MCCC2: variants seen among roughly 807,000 people sequenced by gnomAD.
The protein encoded by MCCC2 is methylcrotonyl-CoA carboxylase subunit 2, also known as methylcrotonoyl-CoA carboxylase beta chain, mitochondrial.
MCCC2 carries 52 observed loss-of-function variants against 77.2 expected under a neutral mutation model. The ratio of observed to expected loss-of-function variants is 0.67; its 90% CI spans 0.54 to 0.85. The LOEUF (loss-of-function observed/expected upper bound fraction) is 0.85. MCCC2 is among the 40% of genes least tolerant of loss of function. MCCC2 has a pLI of 0.00. For synonymous variants in MCCC2, 253 were observed against 248.4 expected (o/e 1.02, Z -0.18); for missense variants, 682 against 703.2 (o/e 0.97, Z 0.34).
intron 6 of MCCC2, among the ~76,000 whole-genome samples, chr5:71,618,007 C>G (rs1293278223): frequency 6.6e-6 from 1 of 152,110 alleles, no homozygotes; most frequent in East Asian, 1.9e-4. Flanking sequence ...TTTTAAGACC[C>G]CTTAATCGTT....
In MCCC2 at chr5:71,603,371, G is replaced by A. The variant is rs1378694055; in HGVS notation, c.511+738G>A. 5.0e-5 allele frequency among the ~76,000 whole-genome samples: 7 copies of A among 139,114 alleles called. No individual in the cohort carries two copies. In the East Asian group the frequency reaches 1.1e-3, roughly 21 times the overall value. The allele number at this position is 139,114 out of a possible 152,430, so 91.3% of individuals were successfully genotyped here. ...GCGGAGCTTGCAGTGAGCTGAAATC[G>A]TGCCACTGTACTCCAGCCTGGGCGA... On this transcript the variant is annotated intron_variant, in intron 5 of 16. Transcript: ENST00000340941.
At chr5:71,641,934 T>C (rs937471271) in intron 11 of MCCC2, among the ~76,000 whole-genome samples, 1 of 152,218 alleles carries the variant, frequency 6.6e-6, no homozygotes, top group African/African-American at 2.4e-5. Flanking sequence ...CTTAGGTGTT[T>C]AAGTGATTAA....
chr5:71,591,595 C>T (rs932296141), intron 1 of MCCC2, among the ~76,000 whole-genome samples: 4 of 151,984 alleles, frequency 2.6e-5, no homozygotes, highest in Non-Finnish European at 4.4e-5. Context: ...CACCACCTTG[C>T]CTGGCTAATT....
intron 11 of MCCC2, 30 bp from the exon 12 acceptor site, chr5:71,643,789 A>T: frequency 6.2e-7 from 1 of 1,614,092 alleles, no homozygotes; most frequent in East Asian, 2.2e-5. Context: ...AAAGCACAAG[A>T]CATAAATCTT....
rs767276076 is a variant in MCCC2, at chr5:71,649,075, CTCTT to C, written c.1217-18_1217-15del. The C allele has an allele frequency of 5.6e-6, 9 of 1,613,974 alleles. No individual in the cohort carries two copies. Among genetic ancestry groups the C allele is most frequent in the Non-Finnish European group, 7.6e-6 (9 of 1,179,896 alleles). On this transcript the variant is annotated intron_variant, in intron 13 of 16. Transcript: ENST00000340941. The stretch of plus-strand genomic sequence containing the variant: ...ATATTAATCCCATCACCCAGAGGCT[CTCTT>C]TCTGATCTTTCTCTCAGGATTTATG...
At chr5:71,609,338 C>G (rs904104705) in intron 6 of MCCC2, among the ~76,000 whole-genome samples, 51 of 152,084 alleles carry the variant, frequency 3.4e-4, no homozygotes, top group South Asian at 1.0e-3. Context: ...TTGCTGATAC[C>G]CTTTCTTACA....
chr5:71,633,743 G>A (rs115887280), intron 8 of MCCC2, among the ~76,000 whole-genome samples: 2,713 of 152,122 alleles, frequency 0.018, 80 homozygotes, highest in African/African-American at 0.061. Context: ...TCATAAAAAA[G>A]CATTTTATTT....
chr5:71,604,501 C>T (rs754454540), intron 6 of MCCC2, 33 bp downstream of exon 6: 8 of 1,483,684 alleles, frequency 5.4e-6, no homozygotes, highest in Non-Finnish European at 7.5e-6. Context: ...TACAGTGGTG[C>T]TTTTTACTCT....
Position 71,592,986 on chromosome 5 carries a change from A to T in MCCC2, c.190A>T (p.Lys64Ter), listed in dbSNP as rs796051989. 1 of 1,611,730 alleles carries T rather than the reference A, an allele frequency of 6.2e-7. No homozygotes were observed. The highest frequency in any genetic ancestry group is 1.7e-5 in the Admixed American group (1 of 59,998). The change falls in exon 2 of 17, where the codon AAA (lysine) becomes TAA (stop). Residue 64 changes from lysine (K) to a stop codon, truncating the protein, a stop_gained. Transcript: ENST00000340941. LOFTEE classifies it high-confidence loss of function. Reference protein sequence around the residue: ...NQLHERVEHIKLGGGEKARAL... With the variant: ...NQLHERVEHI ...GCTCCATGAACGAGTGGAGCATATA[A>T]AACTAGGTAAACACAGCATTTATTC...
intron 3 of MCCC2, among the ~76,000 whole-genome samples, chr5:71,596,723 T>C (rs906988926): frequency 6.6e-6 from 1 of 151,996 alleles, no homozygotes; most frequent in Non-Finnish European, 1.5e-5. Flanking sequence ...GGGCGGATCA[T>C]GAAGTCAGGA....
Position 71,641,133 on chromosome 5 carries a change from T to G in MCCC2, c.1072+58T>G, listed in dbSNP as rs16869026. On this transcript the variant is annotated intron_variant, in intron 11 of 16. Coordinates refer to ENST00000340941, the MANE Select transcript of MCCC2 (RefSeq NM_022132.5). The stretch of plus-strand genomic sequence containing the variant: ...TTTCTGCTGCTTTGAAAATCAGGAA[T>G]CTCTTGTTTCAAGACTTTGATACAC... 3.7e-3 allele frequency: 5,555 copies of G among 1,494,436 alleles called. 186 individuals carry two copies. In the African/African-American group the frequency reaches 0.068, roughly 18 times the overall value. The allele number at this position is 1,494,436 out of a possible 1,614,324, so 92.6% of individuals were successfully genotyped here. A position where few individuals can be genotyped will look rare whatever the true frequency, so the allele number is the denominator to read the frequency against.
intron 6 of MCCC2, among the ~76,000 whole-genome samples, chr5:71,621,619 G>A (rs942275228): frequency 6.6e-6 from 1 of 152,142 alleles, no homozygotes; most frequent in African/African-American, 2.4e-5. Context: ...ATGACATTGA[G>A]TGACAGTGAC....
intron 8 of MCCC2, among the ~76,000 whole-genome samples, chr5:71,633,091 T>TTTTATATA (rs1172020093): frequency 1.3e-4 from 11 of 84,246 alleles, no homozygotes; most frequent in African/African-American, 5.6e-4. Flanking sequence ...TTTTTCAGTT[T>TTTTATATA]TATATATATA....
At chr5:71,633,131 A>ATATATATTTTTTTTTTTT in intron 8 of MCCC2, among the ~76,000 whole-genome samples, 1 of 78,084 alleles carries the variant, frequency 1.3e-5, no homozygotes, top group East Asian at 4.9e-4. Flanking sequence ...ATATATATAT[A>ATATATATTTTTTTTTTTT]TTTTTATTTT....
At chr5:71,635,482 G>A (rs142299306) in intron 10 of MCCC2, 169 of 565,760 alleles carry the variant, frequency 3.0e-4, no homozygotes, top group African/African-American at 2.8e-3. Flanking sequence ...TTTTCATTGC[G>A]CAAAAAGTGT....
At chr5:71,590,173 T>C (rs1744919048) in intron 1 of MCCC2, among the ~76,000 whole-genome samples, 1 of 152,138 alleles carries the variant, frequency 6.6e-6, no homozygotes, top group South Asian at 2.1e-4. Flanking sequence ...ATTTGCCAAA[T>C]GCAGTATCAG....
At chr5:71,614,260 C>T (rs1206048187) in intron 6 of MCCC2, among the ~76,000 whole-genome samples, 1 of 152,108 alleles carries the variant, frequency 6.6e-6, no homozygotes, top group East Asian at 1.9e-4. Context: ...TGTTTCTCCT[C>T]TTCTCAAAAC....
rs899074590 is a variant in MCCC2, at chr5:71,601,913, A to T, written c.384-593A>T. On this transcript the variant is annotated intron_variant, in intron 4 of 16. Transcript: ENST00000340941. ...GAAAGGGCACTGTTGATGACTCAGG[A>T]TACCTTTCATGTGTTTTTAGTATAT... Among the ~76,000 whole-genome samples, 5 of 152,296 alleles carry T rather than the reference A, an allele frequency of 3.3e-5. No individual in the cohort carries two copies. In the South Asian group the frequency reaches 1.0e-3, roughly 32 times the overall value.
chr5:71,610,032 C>T (rs1026025701), intron 6 of MCCC2, among the ~76,000 whole-genome samples: 3 of 152,198 alleles, frequency 2.0e-5, no homozygotes, highest in African/African-American at 7.2e-5. Flanking sequence ...TTTGTCTGTG[C>T]CCTGCCCCCA....
Sources: gnomAD v4.1 joint callset for allele counts (sites outside exome capture counted in the v4.1 genomes callset) on GRCh38, gnomAD v4.1.1 for gene constraint, MANE v1.5 for transcripts, NCBI Gene and HGNC (gene_info 2026-07-23, HGNC 2026-07-21) for gene names.